Variants in SLC9A9 observed in about 807,000 individuals in gnomAD.
SLC9A9 encodes the protein solute carrier family 9 member A9, also known as sodium/hydrogen exchanger 9.
A neutral mutation model predicts 77.8 loss-of-function variants in SLC9A9; 62 were observed. The observed-to-expected ratio is 0.80, with a 90% CI of 0.65 to 0.98. The LOEUF (loss-of-function observed/expected upper bound fraction) is 0.98, where lower values mean the gene tolerates loss of function less well. SLC9A9 is among the 50% of genes least tolerant of loss of function. The pLI is 0.00. For missense variants in SLC9A9, 775 were observed against 774.9 expected (o/e 1.00, Z 0.00); for synonymous variants, 320 against 283.5 (o/e 1.13, Z -1.29).
intron 11 of SLC9A9, among the ~76,000 whole-genome samples, chr3:143,490,948 C>T (rs754341416): frequency 1.7e-4 from 26 of 152,076 alleles, no homozygotes; most frequent in Non-Finnish European, 2.6e-4. Flanking sequence ...TTAAAAATGA[C>T]GTTAGAAATA....
intron 2 of SLC9A9, among the ~76,000 whole-genome samples, chr3:143,828,746 A>G (rs1373846399): frequency 6.6e-6 from 1 of 152,212 alleles, no homozygotes; most frequent in Non-Finnish European, 1.5e-5. Context: ...AATGACAGGT[A>G]CAGAGGTCCT....
chr3:143,506,649 G>A (rs1164735883), intron 9 of SLC9A9, among the ~76,000 whole-genome samples: 6 of 152,116 alleles, frequency 3.9e-5, no homozygotes, highest in Non-Finnish European at 7.4e-5. Context: ...GCTGACATAT[G>A]AGGTCTTGAG....
At chr3:143,430,002 C>T (rs1049862842) in intron 12 of SLC9A9, among the ~76,000 whole-genome samples, 1 of 152,212 alleles carries the variant, frequency 6.6e-6, no homozygotes, top group African/African-American at 2.4e-5. Flanking sequence ...GAAACTGAAA[C>T]CAGCCACTCT....
chr3:143,731,072 T>C (rs561882177), intron 4 of SLC9A9, among the ~76,000 whole-genome samples: 2 of 152,240 alleles, frequency 1.3e-5, no homozygotes, highest in South Asian at 4.1e-4. Context: ...CTATCTCCTC[T>C]AGGAGAGAGA....
At chr3:143,409,867 G>C (rs1487443708) in intron 12 of SLC9A9, among the ~76,000 whole-genome samples, 2 of 152,174 alleles carry the variant, frequency 1.3e-5, no homozygotes, top group African/African-American at 4.8e-5. Context: ...TGTTGCTGGG[G>C]TTCTGGGCTG....
chr3:143,693,128 G>A, intron 5 of SLC9A9, 64 bp downstream of exon 5: 1 of 1,266,234 alleles, frequency 7.9e-7, no homozygotes, highest in Non-Finnish European at 1.1e-6. Context: ...ATGGTCTTGG[G>A]GAGAAACATT....
chr3:143,504,069 G>T, intron 9 of SLC9A9: 1 of 501,840 alleles, frequency 2.0e-6, no homozygotes, highest in South Asian at 1.5e-5. Context: ...TTCCACTGAT[G>T]ACAAGCTTCC....
chr3:143,362,886 T>C (rs1429699587), intron 14 of SLC9A9, among the ~76,000 whole-genome samples: 1 of 152,234 alleles, frequency 6.6e-6, no homozygotes, highest in Non-Finnish European at 1.5e-5. Flanking sequence ...CAGTGATTGC[T>C]AGATTTTTAA....
At position 143,467,059 on chromosome 3, in the gene SLC9A9, T is replaced by A; in HGVS notation, c.1447A>T (p.Met483Leu). Residue 483 changes from methionine (M) to leucine (L), a missense_variant, in exon 12 of 16, where the codon ATG becomes TTG. Coordinates refer to ENST00000316549, the MANE Select transcript of SLC9A9 (RefSeq NM_173653.4). ...VWVFGGGTTP[M>L]LTWLQIRVGV... ...CACCTGATCTGAAGCCAAGTCAACA[T>A]GGGGGTTGTTCCTCCTCCAAATACC... 3 of 1,613,946 alleles carry A rather than the reference T, an allele frequency of 1.9e-6. No individual in the cohort carries two copies. In the African/African-American group the frequency reaches 4.0e-5, roughly 22 times the overall value.
At chr3:143,825,645 A>G (rs1389510099) in intron 2 of SLC9A9, among the ~76,000 whole-genome samples, 3 of 152,220 alleles carry the variant, frequency 2.0e-5, no homozygotes, top group African/African-American at 4.8e-5. Flanking sequence ...CAGATTGCTC[A>G]GCAGTGTAAC....
chr3:143,772,581 C>T (rs2007560213), intron 4 of SLC9A9, among the ~76,000 whole-genome samples: 1 of 152,180 alleles, frequency 6.6e-6, no homozygotes, highest in Admixed American at 6.5e-5. Context: ...GAAGCACAAG[C>T]TGGTCCGGGA....
intron 6 of SLC9A9, among the ~76,000 whole-genome samples, chr3:143,611,912 A>T (rs2038028639): frequency 6.6e-6 from 1 of 152,068 alleles, no homozygotes; most frequent in Non-Finnish European, 1.5e-5. Flanking sequence ...TAAGAAAAAA[A>T]ATATTTAGAG....
chr3:143,319,974 T>C (rs75352071), intron 14 of SLC9A9, among the ~76,000 whole-genome samples: 4,724 of 152,328 alleles, frequency 0.031, 109 homozygotes, highest in African/African-American at 0.067. Flanking sequence ...CTGTCACCTG[T>C]GTCCACTGCT....
At chr3:143,707,837 G>T (rs1196052260) in intron 4 of SLC9A9, among the ~76,000 whole-genome samples, 1 of 152,102 alleles carries the variant, frequency 6.6e-6, no homozygotes, top group African/African-American at 2.4e-5. Flanking sequence ...TTTAATCATG[G>T]CTGTGGTCCC....
At chr3:143,284,853 G>A (rs1335644510) in intron 14 of SLC9A9, among the ~76,000 whole-genome samples, 2 of 152,132 alleles carry the variant, frequency 1.3e-5, no homozygotes, top group Non-Finnish European at 2.9e-5. Flanking sequence ...CAATGAAGTC[G>A]TCGTTTATGG....
In SLC9A9 at chr3:143,552,400, T is replaced by G; in HGVS notation, c.1051A>C (p.Asn351His). 6.2e-7 allele frequency: 1 copy of G among 1,613,166 alleles called. No individual in the cohort carries two copies. The highest frequency in any genetic ancestry group is 8.5e-7 in the Non-Finnish European group (1 of 1,179,542). The change falls in exon 9 of 16, where the codon AAC becomes CAC. Residue 351 changes from asparagine (N) to histidine (H), a missense_variant. Coordinates refer to ENST00000316549, the MANE Select transcript of SLC9A9 (RefSeq NM_173653.4). ...CGVTQAHYTY[N>H]NLSSDSKIRT... is the part of the protein sequence containing the mutation. ...ATTTTGGAATCCGAAGACAGATTGT[T>G]GTAGGTATAATGTGCTTGTGTGACT... is the stretch of plus-strand genomic sequence containing the variant.
At chr3:143,499,580 G>C (rs1559941704) in intron 9 of SLC9A9, among the ~76,000 whole-genome samples, 1 of 151,990 alleles carries the variant, frequency 6.6e-6, no homozygotes, top group African/African-American at 2.4e-5. Flanking sequence ...AATAAGGATA[G>C]GTTTTTTTCC....
At chr3:143,450,671 C>T (rs774992930) in intron 12 of SLC9A9, among the ~76,000 whole-genome samples, 12 of 152,174 alleles carry the variant, frequency 7.9e-5, no homozygotes, top group Non-Finnish European at 1.6e-4. Flanking sequence ...GAGAATCCCA[C>T]TGAAATGACA....
chr3:143,688,130 C>A (rs1933334845), intron 5 of SLC9A9, among the ~76,000 whole-genome samples: 1 of 146,434 alleles, frequency 6.8e-6, no homozygotes, highest in Non-Finnish European at 1.5e-5. Flanking sequence ...CTCTCTCTTT[C>A]TTTTGAGATG....
Sources: allele counts gnomAD v4.1 joint callset (sites outside exome capture counted in the v4.1 genomes callset), GRCh38; gene constraint gnomAD v4.1.1; transcripts MANE v1.5; gene names NCBI Gene and HGNC (gene_info 2026-07-23, HGNC 2026-07-21).